Variants in OCM observed in about 807,000 individuals in gnomAD.
The protein encoded by OCM is oncomodulin.
A neutral mutation model predicts 14.1 loss-of-function variants in OCM; 18 were observed. That is an observed-to-expected ratio of 1.28 (90% confidence interval 0.88 to 1.89). OCM has a LOEUF of 1.89. Ranked by LOEUF, OCM falls within the 40% of genes most tolerant of loss-of-function variation. OCM has a pLI of 0.00. For synonymous variants in OCM, 48 were observed against 51.0 expected, an observed-to-expected ratio of 0.94 and a Z score of 0.25; for missense variants, 140 against 137.6, an observed-to-expected ratio of 1.02 and a Z score of -0.09.
At chr7:5,880,636 G>A (rs578130622), upstream of OCM, among the ~76,000 whole-genome samples, 36 of 152,224 alleles carry the variant, frequency 2.4e-4, no homozygotes, top group African/African-American at 8.2e-4. Context: ...GTGCGCACCT[G>A]TAATCCCAGC....
intron 3 of OCM, 81 bp downstream of exon 3, chr7:5,884,080 A>G: frequency 2.0e-6 from 3 of 1,525,402 alleles, no homozygotes; most frequent in Non-Finnish European, 1.8e-6. Context: ...GATCAAACCA[A>G]TGTGGCTTAA....
At chr7:5,884,772 T>C (rs1316407207) in intron 3 of OCM, among the ~76,000 whole-genome samples, 2 of 151,086 alleles carry the variant, frequency 1.3e-5, no homozygotes, top group East Asian at 3.9e-4. Context: ...TGGGAGTTAA[T>C]GCAGATAGAT....
chr7:5,865,753 T>C, the OCM span, among the ~76,000 whole-genome samples: 2 of 152,202 alleles, frequency 1.3e-5, no homozygotes, highest in African/African-American at 4.8e-5. Context: ...AGAACTGTCC[T>C]GGGCTTGGGC....
the OCM span, among the ~76,000 whole-genome samples, chr7:5,864,328 CAG>C: frequency 0.098 from 14,124 of 144,254 alleles, 864 homozygotes; most frequent in South Asian, 0.14. Flanking sequence ...GCCTGGGTGA[CAG>C]GGGGAGACCT....
chr7:5,886,040 C>A (rs913307697), intron 3 of OCM, 24 bp from the exon 4 acceptor site: 1 of 1,614,006 alleles, frequency 6.2e-7, no homozygotes, highest in African/African-American at 1.3e-5. Flanking sequence ...TCCACTGACC[C>A]TGTTCTCACC....
At chr7:5,882,415 T>C (rs1781236072) in intron 1 of OCM, 78 bp from the exon 2 acceptor site, 1 of 1,503,666 alleles carries the variant, frequency 6.7e-7, no homozygotes. Flanking sequence ...TTTTTAATTA[T>C]CTGTGTTTTT....
the OCM span, among the ~76,000 whole-genome samples, chr7:5,868,988 G>A: frequency 1.3e-5 from 2 of 151,978 alleles, no homozygotes; most frequent in Non-Finnish European, 2.9e-5. Context: ...GCTTGTACCC[G>A]GGAGGCAGAG....
intron 1 of OCM, among the ~76,000 whole-genome samples, chr7:5,882,022 G>A (rs1001822649): frequency 6.8e-6 from 1 of 147,070 alleles, no homozygotes; most frequent in African/African-American, 2.5e-5. Context: ...GGGAGGCAGA[G>A]GTTGCAGTGA....
chr7:5,868,758 C>G, the OCM span, among the ~76,000 whole-genome samples: 1 of 152,052 alleles, frequency 6.6e-6, no homozygotes, highest in Non-Finnish European at 1.5e-5. Context: ...AAAGTCAGAC[C>G]AGTACTCATG....
chr7:5,871,080 C>G, the OCM span, among the ~76,000 whole-genome samples: 2 of 152,014 alleles, frequency 1.3e-5, no homozygotes, highest in Non-Finnish European at 1.5e-5. Flanking sequence ...GGCGCAGTGG[C>G]TCACACCTGT....
the OCM span, among the ~76,000 whole-genome samples, chr7:5,864,428 C>T: frequency 2.0e-5 from 3 of 151,972 alleles, no homozygotes; most frequent in Admixed American, 2.0e-4. Context: ...TTGCTGCCCT[C>T]TGTCTAATGA....
At chr7:5,860,828 A>G in the OCM span, among the ~76,000 whole-genome samples, 7 of 138,848 alleles carry the variant, frequency 5.0e-5, no homozygotes, top group Non-Finnish European at 8.3e-5. Context: ...ATATATATAC[A>G]CACACACATA....
At chr7:5,869,248 C>A in the OCM span, among the ~76,000 whole-genome samples, 1 of 152,138 alleles carries the variant, frequency 6.6e-6, no homozygotes, top group African/African-American at 2.4e-5. Flanking sequence ...CTCCTAGACA[C>A]ACCTGTGAAC....
At chr7:5,864,554 C>G in the OCM span, among the ~76,000 whole-genome samples, 2 of 152,132 alleles carry the variant, frequency 1.3e-5, no homozygotes, top group East Asian at 3.9e-4. Flanking sequence ...TTTTAAGATG[C>G]AAAACCAGCA....
intron 1 of OCM, among the ~76,000 whole-genome samples, chr7:5,882,120 GC>G (rs1781231261): frequency 1.1e-5 from 1 of 91,754 alleles, no homozygotes; most frequent in Non-Finnish European, 2.2e-5. Context: ...AAAAAAAAAA[GC>G]GCCAAAGGCC....
the OCM span, among the ~76,000 whole-genome samples, chr7:5,863,303 G>A: frequency 6.6e-6 from 1 of 152,016 alleles, no homozygotes; most frequent in Admixed American, 6.6e-5. Flanking sequence ...TGTTCCTCCC[G>A]GGCGTGTCCT....
the OCM span, among the ~76,000 whole-genome samples, chr7:5,873,844 G>C: frequency 6.6e-6 from 1 of 151,946 alleles, no homozygotes; most frequent in Non-Finnish European, 1.5e-5. Context: ...ACATGAAAGT[G>C]GGTCCACGGT....
At chr7:5,882,137 G>A (rs10250379) in intron 1 of OCM, among the ~76,000 whole-genome samples, 16,383 of 130,956 alleles carry the variant, frequency 0.13, 1,447 homozygotes, top group African/African-American at 0.18. Context: ...AGGCCATTTA[G>A]CCTGTTGAAA....
chr7:5,883,167 T>C (rs552184558), intron 2 of OCM, among the ~76,000 whole-genome samples: 2 of 152,222 alleles, frequency 1.3e-5, no homozygotes, highest in Non-Finnish European at 2.9e-5. Context: ...TGTAAGGGAT[T>C]TCCTTTGGCA....
Sources: gnomAD v4.1 joint callset for allele counts (sites outside exome capture counted in the v4.1 genomes callset) on GRCh38, gnomAD v4.1.1 for gene constraint, MANE v1.5 for transcripts, NCBI Gene and HGNC (gene_info 2026-07-23, HGNC 2026-07-21) for gene names.